The following ACVR1C variants were observed in gnomAD, a reference collection of about 807,000 sequenced individuals.
ACVR1C encodes the protein activin receptor type-1C.
In ACVR1C, 23 loss-of-function variants were observed where a neutral mutation model predicts 57.9. The ratio of observed to expected loss-of-function variants is 0.40; its 90% CI spans 0.29 to 0.56. The LOEUF (loss-of-function observed/expected upper bound fraction) is 0.56, where lower values mean the gene tolerates loss of function less well. Ranked by LOEUF, ACVR1C falls within the 20% of genes least tolerant of loss-of-function variation. The pLI, the probability that ACVR1C is intolerant of heterozygous loss-of-function variation, is 0.50. For missense variants in ACVR1C, 480 were observed against 607.9 expected (o/e 0.79, Z 2.21); for synonymous variants, 214 against 215.3 (o/e 0.99, Z 0.05).
At chr2:157,606,894 T>C (rs555935210) in intron 1 of ACVR1C, among the ~76,000 whole-genome samples, 1 of 151,998 alleles carries the variant, frequency 6.6e-6, no homozygotes, top group Non-Finnish European at 1.5e-5. Flanking sequence ...CCAAGACCAA[T>C]GTCATGAAGT....
Position 157,628,824 on chromosome 2 carries a change from C to A in ACVR1C, c.-180G>T, listed in dbSNP as rs921168200. ...CCCCCCTCCCCGGCCGCCCCCATCC[C>A]ACGCCCCCTGCGGCTGGCGGTGCGC... is the stretch of plus-strand genomic sequence containing the variant. On this transcript the variant is annotated 5_prime_UTR_variant, in exon 1 of 9. Transcript: ENST00000243349. The A allele has an allele frequency of 2.5e-4, 101 of 407,590 alleles. No individual in the cohort carries two copies. Among genetic ancestry groups the A allele is most frequent in the South Asian group, 1.8e-3 (21 of 11,464 alleles). The allele number at this position is 407,590 out of a possible 1,614,324, so 25.2% of individuals were successfully genotyped here.
chr2:157,545,857 C>A (rs543906320), intron 4 of ACVR1C, among the ~76,000 whole-genome samples: 153 of 152,300 alleles, frequency 1.0e-3, no homozygotes, highest in Non-Finnish European at 1.7e-3. Flanking sequence ...TCACTGCAAC[C>A]TGTGCCTCCT....
intron 3 of ACVR1C, among the ~76,000 whole-genome samples, chr2:157,553,961 T>A (rs1017431714): frequency 2.0e-5 from 3 of 151,782 alleles, no homozygotes; most frequent in Non-Finnish European, 4.4e-5. Context: ...GGCAGGCAGA[T>A]CACTTGAGTT....
At chr2:157,552,170 T>C (rs1687940238) in intron 3 of ACVR1C, among the ~76,000 whole-genome samples, 1 of 152,212 alleles carries the variant, frequency 6.6e-6, no homozygotes, top group South Asian at 2.1e-4. Flanking sequence ...GGAGTCTTGC[T>C]CTGTCAGGCT....
chr2:157,537,641 A>T (rs561366662), intron 8 of ACVR1C, among the ~76,000 whole-genome samples: 160 of 152,306 alleles, frequency 1.1e-3, no homozygotes, highest in Admixed American at 2.5e-3. Flanking sequence ...ACAAAGCCAG[A>T]CTAAAAGACA....
chr2:157,542,628 T>C, intron 6 of ACVR1C, 78 bp downstream of exon 6: 1 of 1,466,870 alleles, frequency 6.8e-7, no homozygotes, highest in Non-Finnish European at 9.1e-7. Context: ...GACCTGAGCC[T>C]CCTCCACACA....
intron 2 of ACVR1C, among the ~76,000 whole-genome samples, chr2:157,559,032 C>T (rs1405344862): frequency 1.3e-5 from 2 of 152,148 alleles, no homozygotes; most frequent in African/African-American, 4.8e-5. Context: ...TGGGAACCAT[C>T]AATATAAACA....
chr2:157,585,426 T>C (rs1688896263), intron 2 of ACVR1C, among the ~76,000 whole-genome samples: 1 of 152,188 alleles, frequency 6.6e-6, no homozygotes, highest in Admixed American at 6.5e-5. Flanking sequence ...CATATAGACC[T>C]CTCAGTACTT....
At chr2:157,539,364 C>T (rs992940224) in intron 7 of ACVR1C, among the ~76,000 whole-genome samples, 4 of 152,084 alleles carry the variant, frequency 2.6e-5, no homozygotes, top group African/African-American at 4.8e-5. Flanking sequence ...AAGACAAAGA[C>T]GACCTCAATT....
rs925604398 is a variant in ACVR1C, at chr2:157,533,545, A to C, written c.*373T>G. The C allele has an allele frequency of 8.4e-5, 13 of 153,980 alleles. No homozygotes were observed. The highest frequency in any genetic ancestry group is 2.9e-4 in the African/African-American group (12 of 41,506). The allele number at this position is 153,980 out of a possible 1,614,324, so 9.5% of individuals were successfully genotyped here. A position where few individuals can be genotyped will look rare whatever the true frequency, so the allele number is the denominator to read the frequency against. On this transcript the variant is annotated 3_prime_UTR_variant, in exon 9 of 9. Transcript: ENST00000243349. The stretch of plus-strand genomic sequence containing the variant: ...TTTAATTAATATGTTTTCATCTCAG[A>C]AAAAAATGTTTTTACATCTTTTCCT...
Position 157,533,889 on chromosome 2 carries a change from G to A in ACVR1C, c.*29C>T. 6.6e-7 allele frequency: 1 copy of A among 1,512,924 alleles called. No individual in the cohort carries two copies. Among genetic ancestry groups the A allele is most frequent in the Non-Finnish European group, 8.8e-7 (1 of 1,135,184 alleles). 93.7% of individuals were successfully genotyped at this position (1,512,924 alleles called of 1,614,324 possible). ...GGGAAAATGGAAAAGAAAGCTATGAGAGATTTCTTTTTAACATAATTATCA... is the reference window on the plus strand; with the variant it reads ...GGGAAAATGGAAAAGAAAGCTATGAAAGATTTCTTTTTAACATAATTATCA... On this transcript the variant is annotated 3_prime_UTR_variant, in exon 9 of 9. Coordinates refer to ENST00000243349, the MANE Select transcript of ACVR1C (RefSeq NM_145259.3).
intron 2 of ACVR1C, among the ~76,000 whole-genome samples, chr2:157,556,915 A>G (rs1688117608): frequency 1.3e-5 from 2 of 152,030 alleles, no homozygotes; most frequent in South Asian, 4.2e-4. Context: ...CACCCACCTC[A>G]GCCTCCCAAA....
Position 157,556,228 on chromosome 2 carries a change from G to C in ACVR1C, c.409C>G (p.Gln137Glu). The C allele has an allele frequency of 6.2e-7, 1 of 1,614,060 alleles. No homozygotes were observed. The highest frequency in any genetic ancestry group is 8.5e-7 in the Non-Finnish European group (1 of 1,180,012). ...TTCCTGTAGGAGCACTGTCGACCCT[G>C]GCATGCCCATACTGTCAGCATCGCA... ...IAAMLTVWAC[Q>E]GRQCSYRKKK... Residue 137 changes from glutamine (Q) to glutamate (E), a missense_variant, in exon 3 of 9, where the codon CAG becomes GAG. By Grantham distance (29) the Gln-to-Glu change is conservative (BLOSUM62 2). Coordinates refer to ENST00000243349, the MANE Select transcript of ACVR1C (RefSeq NM_145259.3).
chr2:157,592,819 T>C (rs1689077003), intron 1 of ACVR1C, among the ~76,000 whole-genome samples: 1 of 152,150 alleles, frequency 6.6e-6, no homozygotes, highest in South Asian at 2.1e-4. Flanking sequence ...GAGTCAATTA[T>C]ACTACAATAT....
At chr2:157,561,113 C>T (rs1327795159) in intron 2 of ACVR1C, among the ~76,000 whole-genome samples, 4 of 152,138 alleles carry the variant, frequency 2.6e-5, no homozygotes, top group Admixed American at 6.5e-5. Context: ...AAACAAAGTC[C>T]ATTCTTGTAA....
At chr2:157,619,961 A>T (rs1473185628) in intron 1 of ACVR1C, among the ~76,000 whole-genome samples, 1 of 152,038 alleles carries the variant, frequency 6.6e-6, no homozygotes, top group Non-Finnish European at 1.5e-5. Flanking sequence ...TGGCAAAAAA[A>T]AACTTCATGG....
chr2:157,619,334 C>T (rs1682716217), intron 1 of ACVR1C, among the ~76,000 whole-genome samples: 1 of 150,934 alleles, frequency 6.6e-6, no homozygotes, highest in Non-Finnish European at 1.5e-5. Context: ...ACAAAGGAAA[C>T]TAGTAAAGAT....
chr2:157,535,067 C>T (rs2105199567), intron 8 of ACVR1C, among the ~76,000 whole-genome samples: 1 of 150,194 alleles, frequency 6.7e-6, no homozygotes. Context: ...ATTGCTTAGG[C>T]CCGGAAGTTC....
chr2:157,582,285 C>T (rs1688809876), intron 2 of ACVR1C, among the ~76,000 whole-genome samples: 1 of 152,116 alleles, frequency 6.6e-6, no homozygotes, highest in South Asian at 2.1e-4. Flanking sequence ...TGGAGCAAGA[C>T]ACTGCCTTAA....
Sources: gnomAD v4.1 joint callset for allele counts (sites outside exome capture counted in the v4.1 genomes callset) on GRCh38, gnomAD v4.1.1 for gene constraint, MANE v1.5 for transcripts, NCBI Gene and HGNC (gene_info 2026-07-23, HGNC 2026-07-21) for gene names.